DNMBP: variants seen among roughly 807,000 people sequenced by gnomAD.
DNMBP encodes the protein dynamin binding protein, also known as dynamin-binding protein.
In DNMBP, 87 loss-of-function variants were observed where a neutral mutation model predicts 150.0. That is an observed-to-expected ratio of 0.58 (90% CI 0.49 to 0.69). DNMBP has a LOEUF of 0.69. Ranked by LOEUF, DNMBP falls within the 30% of genes least tolerant of loss-of-function variation. The probability of loss-of-function intolerance (pLI) is 0.00; values close to 1 mark genes in which losing one functional copy is unlikely to be tolerated. For missense variants in DNMBP, 1,774 were observed against 1,949.0 expected (o/e 0.91, Z 1.69); for synonymous variants, 711 against 750.4 (o/e 0.95, Z 0.86).
chr10:99,993,940 A>G (rs979483401), intron 1 of DNMBP, among the ~76,000 whole-genome samples: 8 of 152,120 alleles, frequency 5.3e-5, no homozygotes, highest in African/African-American at 1.4e-4. Flanking sequence ...TTTTTCCTAC[A>G]CTTAATGTTT....
intron 1 of DNMBP, among the ~76,000 whole-genome samples, chr10:100,003,237 C>G (rs1240167673): frequency 2.0e-5 from 3 of 152,168 alleles, no homozygotes; most frequent in African/African-American, 7.2e-5. Flanking sequence ...GCCCCAGCTA[C>G]TCAGGAGGCT....
chr10:99,913,956 C>T, intron 4 of DNMBP: 1 of 1,396,322 alleles, frequency 7.2e-7, no homozygotes, highest in Non-Finnish European at 9.4e-7. Context: ...GACCTACCTG[C>T]AGTGCCCAGA....
chr10:99,909,924 A>C (rs1279892274), intron 4 of DNMBP, among the ~76,000 whole-genome samples: 1 of 152,240 alleles, frequency 6.6e-6, no homozygotes, highest in African/African-American at 2.4e-5. Context: ...ACTATTACTT[A>C]GATACACAGG....
chr10:99,990,640 T>A (rs150419369), intron 1 of DNMBP, among the ~76,000 whole-genome samples: 2,895 of 148,626 alleles, frequency 0.019, 52 homozygotes, highest in Non-Finnish European at 0.032. Flanking sequence ...AGAAAGACAG[T>A]GTGTGTATAA....
chr10:99,894,990 TAATC>T lies in DNMBP; in HGVS notation c.3108_3111del (p.Ile1037SerfsTer20), dbSNP rs1325504840. 17 of 1,613,966 alleles carry T rather than the reference TAATC, an allele frequency of 1.1e-5. No individual in the cohort carries two copies. The highest frequency in any genetic ancestry group is 1.3e-5 in the African/African-American group (1 of 74,918). ...AGAGACAGGTCTCGGATAAAAGACT[TAATC>T]AATCTTTCTTGCATTCGGAAGTTTT... On this transcript the variant is annotated frameshift_variant, in exon 11 of 17. Transcript: ENST00000324109. LOFTEE classifies it high-confidence loss of function.
intron 1 of DNMBP, among the ~76,000 whole-genome samples, chr10:100,005,662 G>C (rs2041060393): frequency 1.3e-5 from 2 of 150,948 alleles, no homozygotes; most frequent in African/African-American, 4.9e-5. Context: ...GGCTGAGGCA[G>C]GAAATGGCTT....
chr10:99,971,897 C>A, intron 2 of DNMBP, 83 bp downstream of exon 2: 1 of 1,279,206 alleles, frequency 7.8e-7, no homozygotes, highest in Non-Finnish European at 1.1e-6. Flanking sequence ...ACTCTGTTGC[C>A]CAGGCTGGAG....
chr10:99,894,302 A>C (rs2039619913), intron 11 of DNMBP, among the ~76,000 whole-genome samples: 1 of 152,178 alleles, frequency 6.6e-6, no homozygotes. Context: ...TATCCAGTAC[A>C]CTCACAGCAT....
intron 3 of DNMBP, among the ~76,000 whole-genome samples, chr10:99,967,626 T>G (rs904905396): frequency 2.6e-5 from 4 of 152,142 alleles, no homozygotes; most frequent in Non-Finnish European, 5.9e-5. Flanking sequence ...CATTATTCCA[T>G]TCTTATCACT....
chr10:99,970,971 C>CAAAAAAAAAAAAAAAAAA lies in DNMBP; in HGVS notation c.145+991_145+1008dup, dbSNP rs532226561. Among the ~76,000 whole-genome samples the CAAAAAAAAAAAAAAAAAA allele has an allele frequency of 3.9e-3, 128 of 33,194 alleles. 28 individuals are homozygous for CAAAAAAAAAAAAAAAAAA. The highest frequency in any genetic ancestry group is 0.012 in the South Asian group (6 of 508). The allele number at this position is 33,194 out of a possible 152,430, so 21.8% of individuals were successfully genotyped here. ...TGGGCAACAGAGCAAGACTCCGTCT[C>CAAAAAAAAAAAAAAAAAA]AAAAAAAAAAAAAAAAAAAAAAAAA... On this transcript the variant is annotated intron_variant, in intron 2 of 16. Coordinates refer to ENST00000324109, the MANE Select transcript of DNMBP (RefSeq NM_015221.4).
At chr10:99,898,313 T>A in intron 8 of DNMBP, 28 bp from the exon 9 acceptor site, 1 of 1,585,560 alleles carries the variant, frequency 6.3e-7, no homozygotes, top group Non-Finnish European at 8.7e-7. Context: ...AAGACTTTAG[T>A]AAGCTATCAA....
chr10:99,946,064 C>T (rs2040353793), intron 4 of DNMBP, among the ~76,000 whole-genome samples: 1 of 152,344 alleles, frequency 6.6e-6, no homozygotes, highest in Non-Finnish European at 1.5e-5. Context: ...TCAAGCCATT[C>T]TCCTGCCTCA....
intron 8 of DNMBP, 98 bp downstream of exon 8, chr10:99,898,645 G>C: frequency 1.5e-6 from 2 of 1,329,308 alleles, no homozygotes; most frequent in Non-Finnish European, 2.1e-6. Context: ...CTACTTCTAG[G>C]TTTGTCTATA....
At chr10:100,007,687 G>A (rs1463138497) in intron 1 of DNMBP, among the ~76,000 whole-genome samples, 2 of 152,180 alleles carry the variant, frequency 1.3e-5, no homozygotes, top group East Asian at 1.9e-4. Flanking sequence ...GCCTTTCATA[G>A]CAGGGAGGAT....
chr10:99,900,295 T>C (rs2039719966), intron 6 of DNMBP, among the ~76,000 whole-genome samples: 1 of 152,212 alleles, frequency 6.6e-6, no homozygotes, highest in Non-Finnish European at 1.5e-5. Context: ...TGTATTCATT[T>C]TTTTTTGAGA....
chr10:99,976,561 C>T (rs1227321583), intron 1 of DNMBP, among the ~76,000 whole-genome samples: 1 of 152,148 alleles, frequency 6.6e-6, no homozygotes, highest in African/African-American at 2.4e-5. Flanking sequence ...ACGCATACTA[C>T]CAAAATTATG....
At chr10:99,879,474 AT>A (rs2039330060) in intron 16 of DNMBP, among the ~76,000 whole-genome samples, 3 of 152,200 alleles carry the variant, frequency 2.0e-5, no homozygotes, top group Admixed American at 2.0e-4. Flanking sequence ...AAAATAAAGT[AT>A]GGTTACTTGA....
chr10:99,905,947 A>G (rs1048680707), intron 6 of DNMBP, among the ~76,000 whole-genome samples: 1 of 152,306 alleles, frequency 6.6e-6, no homozygotes, highest in East Asian at 1.9e-4. Context: ...TCCAGTCTGG[A>G]TAACAATGTG....
At chr10:99,995,197 C>T (rs527858705) in intron 1 of DNMBP, among the ~76,000 whole-genome samples, 11 of 152,060 alleles carry the variant, frequency 7.2e-5, no homozygotes, top group East Asian at 1.9e-4. Flanking sequence ...GGACGGCAGA[C>T]GTGGGCCATC....
Sources: allele counts gnomAD v4.1 joint callset (sites outside exome capture counted in the v4.1 genomes callset), GRCh38; gene constraint gnomAD v4.1.1; transcripts MANE v1.5; gene names NCBI Gene and HGNC (gene_info 2026-07-23, HGNC 2026-07-21).